MROH9: variants seen among roughly 807,000 people sequenced by gnomAD.
MROH9 encodes the protein maestro heat-like repeat-containing protein family member 9.
A neutral mutation model predicts 98.2 loss-of-function variants in MROH9; 92 were observed. The observed-to-expected ratio is 0.94, with a 90% confidence interval of 0.79 to 1.11. The LOEUF (loss-of-function observed/expected upper bound fraction) is 1.11, where lower values mean the gene tolerates loss of function less well. Among genes scored for constraint, MROH9 ranks in the 50% most tolerant of loss-of-function variants. The pLI is 0.00. For missense variants in MROH9, 1,057 were observed against 1,014.8 expected (o/e 1.04, Z -0.57); for synonymous variants, 397 against 368.9 (o/e 1.08, Z -0.87).
intron 3 of MROH9, among the ~76,000 whole-genome samples, chr1:170,950,257 T>C (rs1343586664): frequency 1.3e-5 from 2 of 151,972 alleles, no homozygotes; most frequent in Admixed American, 1.3e-4. Flanking sequence ...AACAATGAAG[T>C]TGAAGATTTT....
intron 12 of MROH9, among the ~76,000 whole-genome samples, chr1:170,994,518 G>A (rs1436607644): frequency 6.6e-6 from 1 of 152,056 alleles, no homozygotes; most frequent in Non-Finnish European, 1.5e-5. Context: ...TGGGGCACAT[G>A]AGATGTTTCA....
chr1:170,998,383 C>T lies in MROH9; in HGVS notation c.1596+109C>T, dbSNP rs753693973. On this transcript the variant is annotated intron_variant, in intron 15 of 21. Transcript: ENST00000367759. ...TCTCCCTCTGAATGTTGGTTCTTAC[C>T]AAGACTTAAGATCATGAAAGATATC... 5 of 1,610,182 alleles carry T rather than the reference C, an allele frequency of 3.1e-6. No homozygotes were observed. In the East Asian group the frequency reaches 1.1e-4, roughly 36 times the overall value.
At chr1:170,992,850 A>G (rs1277196691) in intron 12 of MROH9, among the ~76,000 whole-genome samples, 1 of 152,144 alleles carries the variant, frequency 6.6e-6, no homozygotes, top group Non-Finnish European at 1.5e-5. Context: ...GATATGAGAG[A>G]AGTAACCACT....
intron 10 of MROH9, 33 bp from the exon 11 acceptor site, chr1:170,989,822 G>C (rs773405697): frequency 1.3e-6 from 2 of 1,572,854 alleles, no homozygotes; most frequent in Non-Finnish European, 1.7e-6. Context: ...TGGAACAGGA[G>C]ATTCTTGTTT....
At chr1:170,976,637 C>T (rs1650703876) in intron 8 of MROH9, among the ~76,000 whole-genome samples, 1 of 152,122 alleles carries the variant, frequency 6.6e-6, no homozygotes. Flanking sequence ...ATCCCAGCTA[C>T]TCAGGAGGCT....
intron 20 of MROH9, among the ~76,000 whole-genome samples, chr1:171,029,881 T>C (rs944412668): frequency 6.6e-6 from 1 of 152,218 alleles, no homozygotes; most frequent in Non-Finnish European, 1.5e-5. Flanking sequence ...TACCAATTCC[T>C]CTTTGTGTTT....
chr1:170,982,407 G>C (rs1347218149), intron 8 of MROH9, among the ~76,000 whole-genome samples: 1 of 152,182 alleles, frequency 6.6e-6, no homozygotes, highest in Admixed American at 6.5e-5. Context: ...ACTTGACAGA[G>C]AGCAGATGAC....
chr1:170,947,678 A>G, intron 3 of MROH9, 105 bp downstream of exon 3: 1 of 1,060,846 alleles, frequency 9.4e-7, no homozygotes, highest in Non-Finnish European at 1.4e-6. Context: ...TTTAAAATAC[A>G]TGTGTTGGGG....
At chr1:170,947,942 C>T (rs1649396970) in intron 3 of MROH9, among the ~76,000 whole-genome samples, 2 of 151,912 alleles carry the variant, frequency 1.3e-5, no homozygotes. Flanking sequence ...AAGTGAAGCC[C>T]TTCTACCTAG....
chr1:170,944,167 GAGAAAAT>G (rs1393859163), intron 1 of MROH9, among the ~76,000 whole-genome samples: 3 of 151,856 alleles, frequency 2.0e-5, no homozygotes, highest in Admixed American at 1.3e-4. Flanking sequence ...TGACAGAGAA[GAGAAAAT>G]AGAAATGAAC....
chr1:171,058,346 C>CAAAAAAAAAAAAAAAAAAAAAAAAAAAA (rs34725160), intron 20 of MROH9, among the ~76,000 whole-genome samples: 2 of 67,148 alleles, frequency 3.0e-5, no homozygotes, highest in Non-Finnish European at 3.6e-5. Context: ...AGAGAGGATG[C>CAAAAAAAAAAAAAAAAAAAAAAAAAAAA]AAAAAAAAAA....
chr1:170,986,593 G>T lies in MROH9; in HGVS notation c.762G>T (p.Leu254=). The change falls in exon 10 of 22, where the codon CTG becomes CTT. Residue 254 remains leucine (L), a synonymous_variant. Coordinates refer to ENST00000367759, the MANE Select transcript of MROH9 (RefSeq NM_001163629.2). ...RVGQTLLPPL[L]TDFVQSLLMK... The stretch of plus-strand genomic sequence containing the variant: ...GGCAAACCTTACTGCCTCCCTTGCT[G>T]ACTGACTTTGTGCAGAGTCTCCTGA... 1 of 1,613,720 alleles carries T rather than the reference G, an allele frequency of 6.2e-7. No individual in the cohort carries two copies. The highest frequency in any genetic ancestry group is 1.7e-4 in the Middle Eastern group (1 of 6,060).
At chr1:171,027,986 G>T (rs933457648) in intron 20 of MROH9, among the ~76,000 whole-genome samples, 1 of 152,056 alleles carries the variant, frequency 6.6e-6, no homozygotes, top group East Asian at 1.9e-4. Context: ...CCATTCTGTA[G>T]GTTGCCTGTT....
rs1571449823 is a variant in MROH9 at position 170,958,470 on chromosome 1, G to A, written c.82G>A (p.Val28Ile). 2.7e-6 allele frequency: 4 copies of A among 1,497,914 alleles called. No individual in the cohort carries two copies. The highest frequency in any genetic ancestry group is 3.7e-6 in the Non-Finnish European group (4 of 1,088,450). The allele number at this position is 1,497,914 out of a possible 1,614,324, so 92.8% of individuals were successfully genotyped here. Residue 28 changes from valine to isoleucine, a missense_variant, in exon 4 of 22, where the codon GTT becomes ATT. Val to Ile is a conservative substitution (Grantham distance 29). Coordinates refer to ENST00000367759, the MANE Select transcript of MROH9 (RefSeq NM_001163629.2). ...SVKWHHMAHK[V>I]NSLLDAYSGL... ...TTAACATGGTACTTAGGCACATAAA[G>A]TTAACAGCCTATTGGATGCATACTC...
intron 20 of MROH9, among the ~76,000 whole-genome samples, chr1:171,050,126 C>T (rs1653618495): frequency 6.6e-6 from 1 of 152,026 alleles, no homozygotes; most frequent in South Asian, 2.1e-4. Flanking sequence ...TGTGCAGAAA[C>T]TTTAGTTTAA....
intron 10 of MROH9, among the ~76,000 whole-genome samples, chr1:170,988,195 C>T (rs575264018): frequency 6.6e-6 from 1 of 152,286 alleles, no homozygotes; most frequent in East Asian, 1.9e-4. Context: ...GTCACAGGCC[C>T]ATGAAACCAG....
chr1:170,949,221 C>T (rs1179137707), intron 3 of MROH9, among the ~76,000 whole-genome samples: 1 of 152,034 alleles, frequency 6.6e-6, no homozygotes, highest in African/African-American at 2.4e-5. Context: ...TAAGGGAAGT[C>T]TCAAGAATAC....
chr1:171,020,072 G>A (rs573407162), intron 17 of MROH9, among the ~76,000 whole-genome samples: 1 of 152,150 alleles, frequency 6.6e-6, no homozygotes, highest in African/African-American at 2.4e-5. Context: ...CCAGGAAGAA[G>A]TTGGATCCCT....
At position 170,995,471 on chromosome 1, in the gene MROH9, C is replaced by T. The variant is rs1372540850; in HGVS notation, c.1277C>T (p.Thr426Ile). The change falls in exon 13 of 22, where the codon ACT becomes ATT. Residue 426 changes from threonine to isoleucine, a missense_variant. Physicochemically the swap from Thr to Ile is moderately conservative, Grantham distance 89. Coordinates refer to ENST00000367759, the MANE Select transcript of MROH9 (RefSeq NM_001163629.2). ...CAGTATTTCCCCCAGCTCTTGACGACTCTTATGTTCCAAGTCTTCTACAAC... is the reference window on the plus strand; with the variant it reads ...CAGTATTTCCCCCAGCTCTTGACGATTCTTATGTTCCAAGTCTTCTACAAC... ...VAQYFPQLLT[T>I]LMFQVFYNSE... 6.2e-7 allele frequency: 1 copy of T among 1,613,418 alleles called. No individual in the cohort carries two copies. The highest frequency in any genetic ancestry group is 1.1e-5 in the South Asian group (1 of 91,066).
Sources: gnomAD v4.1 joint callset for allele counts (sites outside exome capture counted in the v4.1 genomes callset) on GRCh38, gnomAD v4.1.1 for gene constraint, MANE v1.5 for transcripts, NCBI Gene and HGNC (gene_info 2026-07-23, HGNC 2026-07-21) for gene names.